SERPINA11: variants seen among roughly 807,000 people sequenced by gnomAD.
The protein encoded by SERPINA11 is serpin family A member 11, also known as serpin A11.
A neutral mutation model predicts 29.4 loss-of-function variants in SERPINA11; 28 were observed. The observed-to-expected ratio is 0.95, with a 90% CI of 0.70 to 1.30. The LOEUF is 1.30. SERPINA11 is among the 50% of genes most tolerant of loss of function. SERPINA11 has a pLI of 0.00. For missense variants in SERPINA11, 530 were observed against 507.3 expected (o/e 1.04, Z -0.43); for synonymous variants, 253 against 206.6 (o/e 1.22, Z -1.92).
chr14:94,448,370 T>C lies in SERPINA11; in HGVS notation c.405A>G (p.Leu135=), dbSNP rs761100247. 6.2e-7 allele frequency: 1 copy of C among 1,614,178 alleles called. No homozygotes were observed. Among genetic ancestry groups the C allele is most frequent in the Non-Finnish European group, 8.5e-7 (1 of 1,180,020 alleles). Residue 135 remains leucine (L), a synonymous_variant, in exon 2 of 5, where the codon CTA becomes CTG. Transcript: ENST00000334708. ...CTAGGAACAGGGAGTTTCCTACTTT[T>C]AGTTCGAGTTTGGGGCTGGGCAGGG... ...TLALPSPKLE[L]KVGNSLFLDK...
At chr14:94,451,820 T>A (rs1166518337) in intron 1 of SERPINA11, among the ~76,000 whole-genome samples, 1 of 152,234 alleles carries the variant, frequency 6.6e-6, no homozygotes, top group African/African-American at 2.4e-5. Flanking sequence ...AAGTACTCAA[T>A]GGCAGTTTTT....
chr14:94,442,699 G>A lies in SERPINA11; in HGVS notation c.1176C>T (p.Ala392=), dbSNP rs751110481. 6.2e-7 allele frequency: 1 copy of A among 1,613,526 alleles called. No homozygotes were observed. ...GCAAGAGGAAAGGCCTGTTGAAGTG[G>A]GCATGTGGGTCTGACATGGTGTTCA... ...PSLNTMSDPH[A]HFNRPFLLLL... is the part of the protein sequence containing the mutation. The change falls in exon 5 of 5, where the codon GCC becomes GCT. Residue 392 remains alanine, a synonymous_variant. Transcript: ENST00000334708.
chr14:94,447,795 C>T (rs938781454), intron 2 of SERPINA11, among the ~76,000 whole-genome samples: 2 of 152,208 alleles, frequency 1.3e-5, no homozygotes, highest in African/African-American at 4.8e-5. Context: ...TTTGCCCCAC[C>T]TCTCCCAAGC....
chr14:94,449,184 A>T (rs1566784427), intron 1 of SERPINA11, among the ~76,000 whole-genome samples: 1 of 151,994 alleles, frequency 6.6e-6, no homozygotes, highest in Non-Finnish European at 1.5e-5. Context: ...GACCCCCTCT[A>T]CAAAATGTTT....
chr14:94,447,182 T>A (rs1372484798), intron 2 of SERPINA11, among the ~76,000 whole-genome samples: 1 of 152,228 alleles, frequency 6.6e-6, no homozygotes, highest in Non-Finnish European at 1.5e-5. Flanking sequence ...TAATAAAATG[T>A]CATGCATTAG....
intron 1 of SERPINA11, among the ~76,000 whole-genome samples, chr14:94,451,837 T>C (rs1199432417): frequency 6.6e-6 from 1 of 152,250 alleles, no homozygotes; most frequent in Admixed American, 6.5e-5. Flanking sequence ...TTTTTTCCCT[T>C]TCTATCAAGC....
Position 94,446,387 on chromosome 14 carries a change from C to T in SERPINA11, c.861G>A (p.Val287=), listed in dbSNP as rs753921372. The change falls in exon 3 of 5, where the codon GTG becomes GTA. Residue 287 remains valine, a synonymous_variant. Coordinates refer to ENST00000334708, the MANE Select transcript of SERPINA11 (RefSeq NM_001080451.2). ...GGGTCTGTGGCTGCAGAGCAGCCTCCACCTGCTTCATTTTCCCCGGGTCAG... is the reference window on the plus strand; with the variant it reads ...GGGTCTGTGGCTGCAGAGCAGCCTCTACCTGCTTCATTTTCCCCGGGTCAG... ...VLPDPGKMKQ[V]EAALQPQTLR... is the part of the protein sequence containing the mutation. The T allele has an allele frequency of 1.2e-6, 2 of 1,613,904 alleles. No individual in the cohort carries two copies. Among genetic ancestry groups the T allele is most frequent in the Admixed American group, 1.7e-5 (1 of 60,034 alleles).
intron 3 of SERPINA11, among the ~76,000 whole-genome samples, chr14:94,444,172 G>C (rs1480529186): frequency 6.6e-6 from 1 of 152,142 alleles, no homozygotes; most frequent in Non-Finnish European, 1.5e-5. Flanking sequence ...TTGGCTGGGG[G>C]GTGGAATAGA....
At chr14:94,450,232 C>T (rs1053190781) in intron 1 of SERPINA11, among the ~76,000 whole-genome samples, 6 of 152,016 alleles carry the variant, frequency 3.9e-5, no homozygotes, top group Admixed American at 3.9e-4. Flanking sequence ...TGTACCTGCC[C>T]GAAATTCATA....
At chr14:94,449,394 T>TTTTTC in intron 1 of SERPINA11, among the ~76,000 whole-genome samples, 2 of 27,526 alleles carry the variant, frequency 7.3e-5, no homozygotes, top group African/African-American at 2.3e-4. Context: ...CCCTCCCTCT[T>TTTTTC]TCTTTCTTTC....
intron 1 of SERPINA11, among the ~76,000 whole-genome samples, chr14:94,449,396 CTTTCTTTCTATTCTT>C (rs1898519413): frequency 8.2e-5 from 1 of 12,164 alleles, no homozygotes; most frequent in Non-Finnish European, 2.3e-4. Context: ...CTCCCTCTTT[CTTTCTTTCTATTCTT>C]TCTTTCTTTC....
intron 1 of SERPINA11, among the ~76,000 whole-genome samples, chr14:94,450,171 T>C (rs2139780552): frequency 6.6e-6 from 1 of 151,938 alleles, no homozygotes; most frequent in East Asian, 1.9e-4. Flanking sequence ...AACCTCTCTA[T>C]TTTTTTTATT....
intron 3 of SERPINA11, 124 bp downstream of exon 3, chr14:94,446,207 T>C: frequency 1.1e-6 from 1 of 935,976 alleles, no homozygotes; most frequent in Non-Finnish European, 1.6e-6. Flanking sequence ...GATCACACAG[T>C]TAGTAAAGGA....
At chr14:94,446,133 A>G (rs747672068) in intron 3 of SERPINA11, among the ~76,000 whole-genome samples, 198 bp downstream of exon 3, 2 of 152,204 alleles carry the variant, frequency 1.3e-5, no homozygotes, top group East Asian at 1.9e-4. Context: ...GAGCAACCCA[A>G]TGAGGCAGGT....
chr14:94,449,563 C>T (rs1898550141), intron 1 of SERPINA11, among the ~76,000 whole-genome samples: 1 of 145,352 alleles, frequency 6.9e-6, no homozygotes, highest in African/African-American at 2.6e-5. Context: ...TTCTTTCTTT[C>T]TTTCCTTCCT....
At chr14:94,450,078 G>A (rs1293334899) in intron 1 of SERPINA11, among the ~76,000 whole-genome samples, 8 of 152,122 alleles carry the variant, frequency 5.3e-5, no homozygotes, top group African/African-American at 1.9e-4. Flanking sequence ...GCCTAGAGGA[G>A]CGATGAGAGA....
chr14:94,448,389 G>A lies in SERPINA11; in HGVS notation c.386C>T (p.Pro129Leu). Residue 129 changes from proline to leucine, a missense_variant, in exon 2 of 5, where the codon CCC (proline) becomes CTC (leucine). Pro to Leu is a moderately conservative substitution (Grantham distance 98). Coordinates refer to ENST00000334708, the MANE Select transcript of SERPINA11 (RefSeq NM_001080451.2). Reference protein sequence around the residue: ...FRSLLHTLALPSPKLELKVGN... With the variant: ...FRSLLHTLALLSPKLELKVGN... ...TACTTTTAGTTCGAGTTTGGGGCTG[G>A]GCAGGGCAAGGGTGTGGAGGAGGCT... 1 of 1,614,178 alleles carries A rather than the reference G, an allele frequency of 6.2e-7. No individual in the cohort carries two copies. Among genetic ancestry groups the A allele is most frequent in the South Asian group, 1.1e-5 (1 of 91,078 alleles).
chr14:94,444,058 G>A (rs964416150), intron 3 of SERPINA11, among the ~76,000 whole-genome samples: 1 of 152,164 alleles, frequency 6.6e-6, no homozygotes, highest in Non-Finnish European at 1.5e-5. Flanking sequence ...TGACTCCTGG[G>A]CAATATGAGG....
chr14:94,449,111 G>A (rs2139778695), intron 1 of SERPINA11, among the ~76,000 whole-genome samples: 1 of 152,356 alleles, frequency 6.6e-6, no homozygotes, highest in East Asian at 1.9e-4. Flanking sequence ...AGCAGTTTGG[G>A]AGGCTGAGGT....
Sources: allele counts gnomAD v4.1 joint callset (sites outside exome capture counted in the v4.1 genomes callset), GRCh38; gene constraint gnomAD v4.1.1; transcripts MANE v1.5; gene names NCBI Gene and HGNC (gene_info 2026-07-23, HGNC 2026-07-21).